Variants in FYB1 observed in about 807,000 individuals in gnomAD.
FYB1 encodes FYN-binding protein 1.
FYB1 carries 41 observed loss-of-function variants against 94.1 expected under a neutral mutation model. The ratio of observed to expected loss-of-function variants is 0.44; its 90% CI spans 0.34 to 0.57. The LOEUF is 0.57. Ranked by LOEUF, FYB1 falls within the 20% of genes least tolerant of loss-of-function variation. The probability of loss-of-function intolerance (pLI) is 0.02; values close to 1 mark genes in which losing one functional copy is unlikely to be tolerated. For synonymous variants in FYB1, 367 were observed against 353.2 expected, an observed-to-expected ratio of 1.04 and a Z score of -0.44; for missense variants, 1,050 against 976.8, an observed-to-expected ratio of 1.07 and a Z score of -1.00.
In FYB1 at chr5:39,237,239, C is replaced by T. The variant is rs567124510; in HGVS notation, c.-27-34252G>A. Among the ~76,000 whole-genome samples, 85 of 151,936 alleles carry T rather than the reference C, an allele frequency of 5.6e-4. 1 individual carries two copies. The highest frequency in any genetic ancestry group is 1.1e-3 in the Non-Finnish European group (74 of 67,938). On this transcript the variant is annotated intron_variant, in intron 1 of 1. Transcript: ENST00000510188. ...AGGCACCACAAAAGATAAATCGAGT[C>T]GAAAGGCAAGGAAGGCAGTTAGGGG...
intron 9 of FYB1, among the ~76,000 whole-genome samples, chr5:39,133,282 T>C (rs186417657): frequency 8.5e-5 from 13 of 152,278 alleles, no homozygotes; most frequent in African/African-American, 2.6e-4. Context: ...ATGATGTTTT[T>C]TGGGATCACA....
At chr5:39,192,892 C>T (rs889409224) in intron 2 of FYB1, among the ~76,000 whole-genome samples, 1 of 152,206 alleles carries the variant, frequency 6.6e-6, no homozygotes. Context: ...AGGAATCTAC[C>T]TTTCTCATAG....
At chr5:39,129,472 A>T (rs1005559819) in intron 10 of FYB1, among the ~76,000 whole-genome samples, 2 of 152,104 alleles carry the variant, frequency 1.3e-5, no homozygotes, top group African/African-American at 4.8e-5. Context: ...ATTATATTAA[A>T]CTAAAAGCTT....
chr5:39,245,169 G>C (rs1163450758), intron 1 of FYB1, among the ~76,000 whole-genome samples: 2 of 152,122 alleles, frequency 1.3e-5, no homozygotes, highest in African/African-American at 4.8e-5. Context: ...GTGTGTAGGA[G>C]GGAGTGGTAT....
chr5:39,118,602 G>T (rs1739781441), intron 16 of FYB1, among the ~76,000 whole-genome samples: 1 of 152,138 alleles, frequency 6.6e-6, no homozygotes, highest in Admixed American at 6.5e-5. Flanking sequence ...GATGCTGATG[G>T]TCTGTAGTAC....
intron 14 of FYB1, among the ~76,000 whole-genome samples, chr5:39,121,451 TA>T (rs1580316751): frequency 6.6e-6 from 1 of 152,108 alleles, no homozygotes; most frequent in Non-Finnish European, 1.5e-5. Context: ...ACAATTTTGG[TA>T]AAAAATAAAT....
intron 10 of FYB1, among the ~76,000 whole-genome samples, chr5:39,128,255 T>A (rs56053994): frequency 0.17 from 26,110 of 152,070 alleles, 2,569 homozygotes; most frequent in Non-Finnish European, 0.22. Flanking sequence ...CAGAAAGAAG[T>A]GAAAAGTGAC....
chr5:39,214,305 T>A (rs930725672), intron 1 of FYB1, among the ~76,000 whole-genome samples: 2 of 152,204 alleles, frequency 1.3e-5, no homozygotes, highest in Non-Finnish European at 2.9e-5. Flanking sequence ...CATAAAATGG[T>A]ACAGCTGCTA....
chr5:39,206,348 T>C (rs1163814961), intron 1 of FYB1, among the ~76,000 whole-genome samples: 1 of 152,224 alleles, frequency 6.6e-6, no homozygotes, highest in African/African-American at 2.4e-5. Flanking sequence ...GTAGATAAAA[T>C]GTTCAACACC....
At chr5:39,273,333 G>A (rs373311205) in intron 1 of FYB1, among the ~76,000 whole-genome samples, 2 of 152,222 alleles carry the variant, frequency 1.3e-5, no homozygotes, top group East Asian at 3.9e-4. Flanking sequence ...AAAAAGAAAA[G>A]TTGAGTTGAA....
In FYB1 at chr5:39,132,653, T is replaced by C. The variant is rs542305762; in HGVS notation, c.1817+1555A>G. 2.6e-5 allele frequency among the ~76,000 whole-genome samples: 4 copies of C among 152,186 alleles called. No homozygotes were observed. The South Asian group carries it at 8.3e-4, about 32-fold the overall frequency. On this transcript the variant is annotated intron_variant, in intron 9 of 18. Coordinates refer to ENST00000512982, the MANE Select transcript of FYB1 (RefSeq NM_001465.6). ...CTAGTTTTGGGAAATATTCACCCAATATGGTTAAACAAAGTTTCATTCTAA... is the reference window on the plus strand; with the variant it reads ...CTAGTTTTGGGAAATATTCACCCAACATGGTTAAACAAAGTTTCATTCTAA...
chr5:39,140,880 A>G (rs1239078122), intron 4 of FYB1, among the ~76,000 whole-genome samples: 1 of 152,240 alleles, frequency 6.6e-6, no homozygotes, highest in Non-Finnish European at 1.5e-5. Context: ...AAACACACAT[A>G]CACATTAAAT....
At chr5:39,149,816 C>T (rs1743087257) in intron 3 of FYB1, among the ~76,000 whole-genome samples, 1 of 152,106 alleles carries the variant, frequency 6.6e-6, no homozygotes, top group African/African-American at 2.4e-5. Context: ...TCTCCTTTGC[C>T]CCTTCTCCTC....
intron 2 of FYB1, among the ~76,000 whole-genome samples, chr5:39,157,407 G>A (rs555223871): frequency 6.6e-6 from 1 of 152,232 alleles, no homozygotes; most frequent in Non-Finnish European, 1.5e-5. Context: ...ACATATCGGG[G>A]TGTTCTTGAT....
chr5:39,255,569 T>G (rs1751904746), intron 1 of FYB1, among the ~76,000 whole-genome samples: 2 of 152,104 alleles, frequency 1.3e-5, no homozygotes, highest in Admixed American at 1.3e-4. Flanking sequence ...GTTATTCATT[T>G]AAATATGACC....
At chr5:39,227,136 T>A (rs538491884) in intron 1 of FYB1, among the ~76,000 whole-genome samples, 1 of 152,178 alleles carries the variant, frequency 6.6e-6, no homozygotes, top group East Asian at 1.9e-4. Context: ...CATACGTTCA[T>A]ATAAATCCAT....
At chr5:39,242,564 A>T (rs1751263372) in intron 1 of FYB1, among the ~76,000 whole-genome samples, 1 of 151,882 alleles carries the variant, frequency 6.6e-6, no homozygotes, top group South Asian at 2.1e-4. Flanking sequence ...GTTGGTTCCA[A>T]GTCTTTGCTA....
At chr5:39,174,475 G>T (rs1489241884) in intron 2 of FYB1, among the ~76,000 whole-genome samples, 1 of 152,124 alleles carries the variant, frequency 6.6e-6, no homozygotes, top group Admixed American at 6.5e-5. Flanking sequence ...CCATCTTCCT[G>T]GTTCTGCACA....
intron 1 of FYB1, among the ~76,000 whole-genome samples, chr5:39,204,864 C>T (rs1033474153): frequency 5.3e-5 from 8 of 152,138 alleles, no homozygotes; most frequent in Admixed American, 4.6e-4. Flanking sequence ...TTTAATTTAC[C>T]TCCCTTATCT....
Sources: gnomAD v4.1 joint callset for allele counts (sites outside exome capture counted in the v4.1 genomes callset) on GRCh38, gnomAD v4.1.1 for gene constraint, MANE v1.5 for transcripts, NCBI Gene and HGNC (gene_info 2026-07-23, HGNC 2026-07-21) for gene names.